Variants in GPC6 observed in about 807,000 individuals in gnomAD.
GPC6 encodes glypican-6.
A neutral mutation model predicts 55.2 loss-of-function variants in GPC6; 14 were observed. The observed-to-expected ratio is 0.25, with a 90% CI of 0.17 to 0.40. The LOEUF (loss-of-function observed/expected upper bound fraction) is 0.40, where lower values mean the gene tolerates loss of function less well. Ranked by LOEUF, GPC6 falls within the 10% of genes least tolerant of loss-of-function variation. The pLI, the probability that GPC6 is intolerant of heterozygous loss-of-function variation, is 1.00. For synonymous variants in GPC6, 278 were observed against 259.6 expected, an observed-to-expected ratio of 1.07 and a Z score of -0.68; for missense variants, 641 against 708.5, an observed-to-expected ratio of 0.90 and a Z score of 1.08.
chr13:93,986,187 T>A (rs866007372), intron 3 of GPC6, among the ~76,000 whole-genome samples: 1 of 152,194 alleles, frequency 6.6e-6, no homozygotes, highest in Non-Finnish European at 1.5e-5. Context: ...TAGAATTTTA[T>A]CAGAATTTAA....
At chr13:93,311,256 C>T (rs1210679278) in intron 1 of GPC6, among the ~76,000 whole-genome samples, 2 of 152,158 alleles carry the variant, frequency 1.3e-5, no homozygotes, top group Admixed American at 6.5e-5. Flanking sequence ...GATATGTTTA[C>T]CTGTGTCTTA....
At chr13:93,680,326 C>T (rs919665938) in intron 2 of GPC6, among the ~76,000 whole-genome samples, 1 of 152,076 alleles carries the variant, frequency 6.6e-6, no homozygotes, top group Non-Finnish European at 1.5e-5. Flanking sequence ...CAGAAGGAAC[C>T]GACTATGCCA....
intron 4 of GPC6, among the ~76,000 whole-genome samples, chr13:94,230,043 G>A (rs1890673110): frequency 6.6e-6 from 1 of 152,240 alleles, no homozygotes; most frequent in African/African-American, 2.4e-5. Flanking sequence ...AGATTCGTGG[G>A]CTGATTTTGC....
intron 3 of GPC6, among the ~76,000 whole-genome samples, chr13:93,932,973 C>CTTTTTTTTTTTTT (rs59362571): frequency 9.8e-6 from 1 of 102,380 alleles, no homozygotes; most frequent in African/African-American, 3.6e-5. Context: ...TTGTTTTGTT[C>CTTTTTTTTTTTTT]TTTTTTTTTT....
chr13:93,949,352 T>C (rs944210255), intron 3 of GPC6, among the ~76,000 whole-genome samples: 1 of 152,216 alleles, frequency 6.6e-6, no homozygotes, highest in African/African-American at 2.4e-5. Context: ...AGGTTTTGTG[T>C]TGGTTCATGC....
At chr13:94,286,965 G>A (rs1330231814) in intron 5 of GPC6, among the ~76,000 whole-genome samples, 1 of 152,030 alleles carries the variant, frequency 6.6e-6, no homozygotes, top group Non-Finnish European at 1.5e-5. Context: ...AAATCTTCAG[G>A]AGAAAATGCT....
At chr13:93,896,905 A>G (rs952952753) in intron 3 of GPC6, among the ~76,000 whole-genome samples, 8 of 151,906 alleles carry the variant, frequency 5.3e-5, no homozygotes, top group African/African-American at 1.9e-4. Flanking sequence ...ATCTACCTTG[A>G]ACTTTTATTT....
intron 6 of GPC6, among the ~76,000 whole-genome samples, chr13:94,327,175 C>T (rs750484638): frequency 3.3e-5 from 5 of 152,174 alleles, no homozygotes; most frequent in Non-Finnish European, 7.3e-5. Context: ...ATAAGGGCCA[C>T]TGCCTTCTGC....
chr13:93,913,560 A>G (rs1173667755), intron 3 of GPC6, among the ~76,000 whole-genome samples: 1 of 151,824 alleles, frequency 6.6e-6, no homozygotes, highest in Non-Finnish European at 1.5e-5. Context: ...CTCTCATAGC[A>G]TTTGCTTTTT....
intron 1 of GPC6, among the ~76,000 whole-genome samples, chr13:93,538,604 T>C (rs1882158433): frequency 6.6e-6 from 1 of 152,096 alleles, no homozygotes; most frequent in Non-Finnish European, 1.5e-5. Flanking sequence ...AGTATTCAAA[T>C]AGTCACGCAA....
At chr13:93,335,260 G>A (rs772057350) in intron 1 of GPC6, among the ~76,000 whole-genome samples, 35 of 152,166 alleles carry the variant, frequency 2.3e-4, no homozygotes, top group Non-Finnish European at 4.6e-4. Flanking sequence ...TAACACAATA[G>A]TTAATACTTA....
chr13:93,294,105 C>T (rs1012956823), intron 1 of GPC6, among the ~76,000 whole-genome samples: 2 of 152,076 alleles, frequency 1.3e-5, no homozygotes, highest in Non-Finnish European at 1.5e-5. Flanking sequence ...GAAATTTAAA[C>T]AAGAAATAGT....
At chr13:94,180,589 AAAG>A (rs1366325063) in intron 4 of GPC6, among the ~76,000 whole-genome samples, 1 of 152,220 alleles carries the variant, frequency 6.6e-6, no homozygotes, top group Non-Finnish European at 1.5e-5. Flanking sequence ...ACGGTTCACT[AAAG>A]AGATAATGTG....
intron 1 of GPC6, among the ~76,000 whole-genome samples, chr13:93,445,777 T>C (rs974550095): frequency 6.6e-6 from 1 of 152,192 alleles, no homozygotes; most frequent in African/African-American, 2.4e-5. Flanking sequence ...ATTGAATGAA[T>C]GAATGATGGA....
At chr13:94,036,534 A>G (rs1057316237) in intron 4 of GPC6, among the ~76,000 whole-genome samples, 12 of 152,032 alleles carry the variant, frequency 7.9e-5, no homozygotes, top group African/African-American at 2.7e-4. Flanking sequence ...TTAGATGCCA[A>G]ATAAGGCTGT....
intron 3 of GPC6, among the ~76,000 whole-genome samples, chr13:93,941,047 C>G (rs989916096): frequency 6.6e-6 from 1 of 151,944 alleles, no homozygotes; most frequent in Non-Finnish European, 1.5e-5. Flanking sequence ...ATTTCCTTTC[C>G]TTCTCATAAA....
intron 3 of GPC6, among the ~76,000 whole-genome samples, chr13:93,854,966 C>T (rs1028309490): frequency 8.6e-5 from 13 of 151,592 alleles, no homozygotes; most frequent in Admixed American, 2.0e-4. Flanking sequence ...TGTACAGCCT[C>T]CCCTGGTATC....
intron 1 of GPC6, among the ~76,000 whole-genome samples, chr13:93,291,302 A>G (rs1878312539): frequency 6.6e-6 from 1 of 152,110 alleles, no homozygotes; most frequent in Admixed American, 6.6e-5. Context: ...TGACAGAGCC[A>G]CCATCTCTTC....
At chr13:94,103,621 T>G (rs1328846389) in intron 4 of GPC6, among the ~76,000 whole-genome samples, 1 of 152,240 alleles carries the variant, frequency 6.6e-6, no homozygotes, top group Non-Finnish European at 1.5e-5. Context: ...TTGATTTGCA[T>G]TTCTCTGATG....
Sources: allele counts gnomAD v4.1 joint callset (sites outside exome capture counted in the v4.1 genomes callset), GRCh38; gene constraint gnomAD v4.1.1; transcripts MANE v1.5; gene names NCBI Gene and HGNC (gene_info 2026-07-23, HGNC 2026-07-21).